SDAD1: variants seen among roughly 807,000 people sequenced by gnomAD.
SDAD1 encodes the protein protein SDA1 homolog.
In SDAD1, 79 loss-of-function variants were observed where a neutral mutation model predicts 100.3. The ratio of observed to expected loss-of-function variants is 0.79; its 90% CI spans 0.66 to 0.95. The LOEUF (loss-of-function observed/expected upper bound fraction) is 0.95, where lower values mean the gene tolerates loss of function less well. SDAD1 is among the 40% of genes least tolerant of loss of function. SDAD1 has a pLI of 0.00. For synonymous variants in SDAD1, 267 were observed against 271.4 expected, an observed-to-expected ratio of 0.98 and a Z score of 0.16; for missense variants, 790 against 810.9, an observed-to-expected ratio of 0.97 and a Z score of 0.31.
chr4:75,976,614 G>A (rs766410980), intron 4 of SDAD1, among the ~76,000 whole-genome samples: 24 of 152,102 alleles, frequency 1.6e-4, no homozygotes, highest in Non-Finnish European at 3.1e-4. Context: ...TTTCTTTTGG[G>A]GGTGACAAAA....
Position 75,990,927 on chromosome 4 carries a change from G to C in SDAD1, c.-86C>G. On this transcript the variant is annotated 5_prime_UTR_variant, in exon 1 of 22. Coordinates refer to ENST00000356260, the MANE Select transcript of SDAD1 (RefSeq NM_018115.4). ...CGCAATCCCTGCCAGCTGCAGCTTGGACTCGTGTTTCCGGGTATGACCGGA... is the reference window on the plus strand; with the variant it reads ...CGCAATCCCTGCCAGCTGCAGCTTGCACTCGTGTTTCCGGGTATGACCGGA... The C allele has an allele frequency of 6.5e-7, 1 of 1,532,788 alleles. No homozygotes were observed. The highest frequency in any genetic ancestry group is 1.1e-5 in the South Asian group (1 of 88,518). The allele number at this position is 1,532,788 out of a possible 1,614,324, so 94.9% of individuals were successfully genotyped here.
At chr4:75,990,564 T>G in intron 1 of SDAD1, 188 bp downstream of exon 1, 2 of 1,225,202 alleles carry the variant, frequency 1.6e-6, no homozygotes, top group Non-Finnish European at 2.3e-6. Flanking sequence ...CAACAGATTT[T>G]CAAGAGGTGG....
chr4:75,989,471 G>A (rs566609940), intron 1 of SDAD1, among the ~76,000 whole-genome samples: 4 of 152,176 alleles, frequency 2.6e-5, no homozygotes, highest in Non-Finnish European at 5.9e-5. Flanking sequence ...GTACCCCAAC[G>A]CCTACCTAGA....
At chr4:75,955,729 C>T (rs552153189) in intron 21 of SDAD1, among the ~76,000 whole-genome samples, 2 of 152,352 alleles carry the variant, frequency 1.3e-5, no homozygotes, top group South Asian at 4.1e-4. Flanking sequence ...GGATTCCCCT[C>T]TGGTCCCACA....
chr4:75,974,868 C>T (rs1042718188), intron 6 of SDAD1, among the ~76,000 whole-genome samples: 4 of 151,616 alleles, frequency 2.6e-5, no homozygotes, highest in Admixed American at 6.6e-5. Flanking sequence ...GGTGAAACCC[C>T]GTCTCTACTA....
chr4:75,982,491 T>C (rs1578146522), intron 1 of SDAD1, among the ~76,000 whole-genome samples: 1 of 151,788 alleles, frequency 6.6e-6, no homozygotes, highest in East Asian at 1.9e-4. Context: ...CTACAAAAAA[T>C]ACAAAAATTA....
At chr4:75,951,194 TAATC>T (rs1010685635) in intron 21 of SDAD1, among the ~76,000 whole-genome samples, 1 of 152,226 alleles carries the variant, frequency 6.6e-6, no homozygotes, top group African/African-American at 2.4e-5. Flanking sequence ...TTTTTCTTCA[TAATC>T]AATCACCTTT....
At chr4:75,985,189 C>T (rs1319526382) in intron 1 of SDAD1, among the ~76,000 whole-genome samples, 3 of 152,110 alleles carry the variant, frequency 2.0e-5, no homozygotes, top group Non-Finnish European at 4.4e-5. Flanking sequence ...TTATGTGCAT[C>T]AGTCACCACA....
rs184748731 is a variant in SDAD1 at position 75,973,256 on chromosome 4, C to T, written c.711+61G>A. On this transcript the variant is annotated intron_variant, in intron 8 of 21. Coordinates refer to ENST00000356260, the MANE Select transcript of SDAD1 (RefSeq NM_018115.4). ...CTAACTTCAGCAGTCATAGACTTTA[C>T]AATGTGTACTCAGAGCAATAATAAA... 2.7e-5 allele frequency: 36 copies of T among 1,349,740 alleles called. No homozygotes were observed. The East Asian group carries it at 7.8e-4, about 29-fold the overall frequency. The allele number at this position is 1,349,740 out of a possible 1,614,324, so 83.6% of individuals were successfully genotyped here.
chr4:75,968,168 C>T (rs1160358055), intron 11 of SDAD1, among the ~76,000 whole-genome samples: 2 of 152,132 alleles, frequency 1.3e-5, no homozygotes, highest in East Asian at 1.9e-4. Context: ...ATCACTTTTT[C>T]TTTCCTGTAG....
At chr4:75,962,094 T>A (rs1250723451) in intron 14 of SDAD1, among the ~76,000 whole-genome samples, 1 of 152,180 alleles carries the variant, frequency 6.6e-6, no homozygotes, top group Non-Finnish European at 1.5e-5. Flanking sequence ...TTCCCCATCC[T>A]GTGTCCAAGT....
Position 75,950,806 on chromosome 4 carries a change from T to C in SDAD1, c.2017-9A>G, listed in dbSNP as rs550315018. On this transcript the variant is annotated splice_polypyrimidine_tract_variant and intron_variant, in intron 21 of 21. Transcript: ENST00000356260. ...GCATCTCGTAGTGCCAACTGTAAGA[T>C]AAAAAAGTATTGAAACATGATAACT... 103 of 1,572,300 alleles carry C rather than the reference T, an allele frequency of 6.6e-5. 1 individual carries two copies. The highest frequency in any genetic ancestry group is 3.4e-4 in the Middle Eastern group (2 of 5,912).
In SDAD1 at chr4:75,967,340, G is replaced by A. The variant is rs766870853; in HGVS notation, c.988-6C>T. Reference sequence around the variant, plus strand: ...TAGAAATTGAAGAGGAAAAGCTGTGGAGAGAAAACCGACTTTAATACTGAT... The same window carrying A: ...TAGAAATTGAAGAGGAAAAGCTGTGAAGAGAAAACCGACTTTAATACTGAT... On this transcript the variant is annotated splice_region_variant and splice_polypyrimidine_tract_variant and intron_variant, in intron 11 of 21. Transcript: ENST00000356260. 6.2e-7 allele frequency: 1 copy of A among 1,613,724 alleles called. No homozygotes were observed. The highest frequency in any genetic ancestry group is 1.7e-5 in the Admixed American group (1 of 59,990).
At chr4:75,971,911 T>A (rs1352906546) in intron 8 of SDAD1, among the ~76,000 whole-genome samples, 1 of 150,410 alleles carries the variant, frequency 6.6e-6, no homozygotes, top group East Asian at 2.0e-4. Flanking sequence ...CACAAACAGG[T>A]ACATACAAAG....
At chr4:75,988,157 A>G (rs1394274045) in intron 1 of SDAD1, among the ~76,000 whole-genome samples, 2 of 152,080 alleles carry the variant, frequency 1.3e-5, no homozygotes, top group Admixed American at 1.3e-4. Context: ...CTCTGCTTCT[A>G]TCTTTGCCCT....
At chr4:75,984,484 CTTCTT>C (rs1289577772) in intron 1 of SDAD1, among the ~76,000 whole-genome samples, 7 of 152,120 alleles carry the variant, frequency 4.6e-5, no homozygotes, top group South Asian at 2.1e-4. Flanking sequence ...TTTTTTACCT[CTTCTT>C]TTAAGTGTCA....
At chr4:75,970,265 C>A (rs1335329728) in intron 10 of SDAD1, 44 bp downstream of exon 10, 1 of 1,494,034 alleles carries the variant, frequency 6.7e-7, no homozygotes, top group Admixed American at 1.8e-5. Context: ...ATAAAATAGG[C>A]AGAGATAAGG....
At chr4:75,967,413 C>T in intron 11 of SDAD1, 79 bp from the exon 12 acceptor site, 1 of 1,267,688 alleles carries the variant, frequency 7.9e-7, no homozygotes, top group Non-Finnish European at 1.1e-6. Context: ...AAACATATCA[C>T]CAAGCTCAAC....
At chr4:75,977,612 G>C in intron 4 of SDAD1, 34 bp downstream of exon 4, 1 of 1,286,458 alleles carries the variant, frequency 7.8e-7, no homozygotes, top group Non-Finnish European at 1.1e-6. Flanking sequence ...TCGCCTCAAG[G>C]AAGATGCAGG....
Sources: allele counts gnomAD v4.1 joint callset (sites outside exome capture counted in the v4.1 genomes callset), GRCh38; gene constraint gnomAD v4.1.1; transcripts MANE v1.5; gene names NCBI Gene and HGNC (gene_info 2026-07-23, HGNC 2026-07-21).